Variants in ITGA8 observed in about 807,000 individuals in gnomAD.
ITGA8 encodes integrin alpha-8.
A neutral mutation model predicts 142.3 loss-of-function variants in ITGA8; 91 were observed. The ratio of observed to expected loss-of-function variants is 0.64; its 90% CI spans 0.54 to 0.76. The LOEUF (loss-of-function observed/expected upper bound fraction) is 0.76, where lower values mean the gene tolerates loss of function less well. Among genes scored for constraint, ITGA8 ranks in the 30% least tolerant of loss-of-function variants. The probability of loss-of-function intolerance (pLI) is 0.00; values close to 1 mark genes in which losing one functional copy is unlikely to be tolerated. For synonymous variants in ITGA8, 505 were observed against 485.2 expected, an observed-to-expected ratio of 1.04 and a Z score of -0.54; for missense variants, 1,406 against 1,327.7, an observed-to-expected ratio of 1.06 and a Z score of -0.92.
At chr10:15,662,738 T>C (rs1834313438) in intron 8 of ITGA8, among the ~76,000 whole-genome samples, 1 of 152,154 alleles carries the variant, frequency 6.6e-6, no homozygotes, top group Non-Finnish European at 1.5e-5. Flanking sequence ...AGCAAAAATA[T>C]TTCCTTCATT....
chr10:15,687,805 A>C, intron 3 of ITGA8, 133 bp downstream of exon 3: 1 of 569,916 alleles, frequency 1.8e-6, no homozygotes, highest in South Asian at 3.0e-5. Flanking sequence ...GTTGCTTTTA[A>C]AATGCCAACA....
intron 2 of ITGA8, among the ~76,000 whole-genome samples, chr10:15,695,917 C>G (rs1171152654): frequency 6.6e-6 from 1 of 152,176 alleles, no homozygotes; most frequent in Non-Finnish European, 1.5e-5. Context: ...TCCTGTGATC[C>G]CTGAACTTCC....
chr10:15,519,199 A>G, intron 29 of ITGA8, 91 bp downstream of exon 29: 1 of 1,494,970 alleles, frequency 6.7e-7, no homozygotes, highest in Non-Finnish European at 9.1e-7. Context: ...AAATGCCTCC[A>G]TAATTGTCTT....
At chr10:15,656,425 G>A (rs1834186742) in intron 10 of ITGA8, among the ~76,000 whole-genome samples, 1 of 151,988 alleles carries the variant, frequency 6.6e-6, no homozygotes, top group Non-Finnish European at 1.5e-5. Context: ...GTGCAGTGGT[G>A]TGATCTTGGC....
At chr10:15,544,722 G>T (rs969195659) in intron 27 of ITGA8, among the ~76,000 whole-genome samples, 1 of 152,190 alleles carries the variant, frequency 6.6e-6, no homozygotes, top group Non-Finnish European at 1.5e-5. Context: ...CCTTGTGTGG[G>T]TGCCTCGCCT....
In ITGA8 at chr10:15,606,280, C is replaced by T. The variant is rs1380743765; in HGVS notation, c.1902+5G>A. 6.3e-7 allele frequency: 1 copy of T among 1,599,690 alleles called. No individual in the cohort carries two copies. Among genetic ancestry groups the T allele is most frequent in the Non-Finnish European group, 8.6e-7 (1 of 1,168,710 alleles). On this transcript the variant is annotated splice_donor_5th_base_variant and intron_variant, in intron 18 of 29. Coordinates refer to ENST00000378076, the MANE Select transcript of ITGA8 (RefSeq NM_003638.3). Reference sequence around the variant, plus strand: ...AAATGCCGTCAAAGACTGTGAAGGACTTACCTGTTCACTAACAATGTTTTC... The same window carrying T: ...AAATGCCGTCAAAGACTGTGAAGGATTTACCTGTTCACTAACAATGTTTTC...
In ITGA8 at chr10:15,642,492, T is replaced by G. The variant is rs372447624; in HGVS notation, c.1399+1538A>C. ...ATGCAACCCAGGAGTTGAATTTCAT[T>G]AATCACCCTGACATTTTTGGGGTAG... is the stretch of plus-strand genomic sequence containing the variant. On this transcript the variant is annotated intron_variant, in intron 13 of 29. Coordinates refer to ENST00000378076, the MANE Select transcript of ITGA8 (RefSeq NM_003638.3). 1.6e-3 allele frequency among the ~76,000 whole-genome samples: 248 copies of G among 152,310 alleles called. 1 individual carries two copies. Among genetic ancestry groups the G allele is most frequent in the African/African-American group, 5.7e-3 (238 of 41,560 alleles).
At chr10:15,585,772 G>T (rs767044697) in intron 23 of ITGA8, among the ~76,000 whole-genome samples, 4 of 151,984 alleles carry the variant, frequency 2.6e-5, no homozygotes, top group Admixed American at 6.6e-5. Flanking sequence ...CTTTTCCCCC[G>T]TCTCTCAGTT....
rs75467282 is a variant in ITGA8 at position 15,650,306 on chromosome 10, T to C, written c.1002-3255A>G. ...ACCTAACAGTGTGCATAAGTTACTA[T>C]GCTTTTAATGTGTCCCTCAAATTTC... On this transcript the variant is annotated intron_variant, in intron 11 of 29. Coordinates refer to ENST00000378076, the MANE Select transcript of ITGA8 (RefSeq NM_003638.3). 3.5e-3 allele frequency among the ~76,000 whole-genome samples: 526 copies of C among 152,332 alleles called. 4 individuals carry two copies. The highest frequency in any genetic ancestry group is 0.012 in the African/African-American group (509 of 41,566).
Position 15,570,012 on chromosome 10 carries a change from A to T in ITGA8, c.2637+2199T>A, listed in dbSNP as rs538538868. 2.6e-5 allele frequency among the ~76,000 whole-genome samples: 4 copies of T among 152,272 alleles called. No individual in the cohort carries two copies. The South Asian group carries it at 8.3e-4, about 32-fold the overall frequency. Reference sequence around the variant, plus strand: ...GTCACTAATGTAAACTCTCTTGATTATCTGTTTTTTAATGTCTATTAATAA... The same window carrying T: ...GTCACTAATGTAAACTCTCTTGATTTTCTGTTTTTTAATGTCTATTAATAA... On this transcript the variant is annotated intron_variant, in intron 25 of 29. Coordinates refer to ENST00000378076, the MANE Select transcript of ITGA8 (RefSeq NM_003638.3).
chr10:15,700,999 A>G (rs1287300865), intron 2 of ITGA8, among the ~76,000 whole-genome samples: 1 of 152,184 alleles, frequency 6.6e-6, no homozygotes, highest in Non-Finnish European at 1.5e-5. Flanking sequence ...GATTCCACAG[A>G]GATGTTGTCT....
intron 2 of ITGA8, among the ~76,000 whole-genome samples, chr10:15,689,049 C>T (rs959633759): frequency 2.0e-5 from 3 of 152,122 alleles, no homozygotes; most frequent in South Asian, 2.1e-4. Flanking sequence ...GAAGGTAAAT[C>T]GTCCCTGTTT....
intron 10 of ITGA8, among the ~76,000 whole-genome samples, chr10:15,656,680 T>A (rs1407486566): frequency 6.6e-6 from 1 of 152,148 alleles, no homozygotes; most frequent in Non-Finnish European, 1.5e-5. Flanking sequence ...ATTTTATCGC[T>A]GCAGTTTTTC....
intron 13 of ITGA8, among the ~76,000 whole-genome samples, chr10:15,643,494 G>T (rs1246887789): frequency 6.6e-6 from 1 of 152,052 alleles, no homozygotes; most frequent in East Asian, 1.9e-4. Context: ...TGGCCAGGCT[G>T]GTCTCGAACT....
intron 25 of ITGA8, among the ~76,000 whole-genome samples, chr10:15,569,830 A>G (rs550515918): frequency 6.6e-6 from 1 of 152,332 alleles, no homozygotes; most frequent in East Asian, 1.9e-4. Flanking sequence ...GTAAGAGATT[A>G]TTTGTTTTTC....
chr10:15,693,125 A>G (rs549197807), intron 2 of ITGA8, among the ~76,000 whole-genome samples: 1 of 152,172 alleles, frequency 6.6e-6, no homozygotes, highest in Admixed American at 6.5e-5. Flanking sequence ...TTCACTCTTG[A>G]TTGCACATTC....
chr10:15,697,068 A>ACACACACACACACACACAC (rs1564414009), intron 2 of ITGA8, among the ~76,000 whole-genome samples: 2 of 42,470 alleles, frequency 4.7e-5, no homozygotes, highest in African/African-American at 1.3e-4. Flanking sequence ...CACACACACA[A>ACACACACACACACACACAC]GAAATAGTAT....
chr10:15,531,298 C>T, intron 27 of ITGA8, 147 bp from the exon 28 acceptor site: 1 of 466,866 alleles, frequency 2.1e-6, no homozygotes, highest in East Asian at 3.6e-5. Context: ...ACTTTTTTTT[C>T]CTCCCACCCA....
At chr10:15,579,640 TG>T (rs891830347) in intron 23 of ITGA8, among the ~76,000 whole-genome samples, 1 of 152,070 alleles carries the variant, frequency 6.6e-6, no homozygotes, top group African/African-American at 2.4e-5. Flanking sequence ...ATAATGCTTG[TG>T]TTTTTTTCTC....
Sources: gnomAD v4.1 joint callset for allele counts (sites outside exome capture counted in the v4.1 genomes callset) on GRCh38, gnomAD v4.1.1 for gene constraint, MANE v1.5 for transcripts, NCBI Gene and HGNC (gene_info 2026-07-23, HGNC 2026-07-21) for gene names.